The following B4GALNT3 variants were observed in gnomAD, a reference collection of about 807,000 sequenced individuals.
B4GALNT3 encodes the protein beta-1,4-N-acetylgalactosaminyltransferase 3.
Under a neutral mutation model 120.2 loss-of-function variants are expected in B4GALNT3, and 86 were observed. That is an observed-to-expected ratio of 0.72 (90% CI 0.60 to 0.86). The LOEUF is 0.86. Ranked by LOEUF, B4GALNT3 falls within the 40% of genes least tolerant of loss-of-function variation. The probability of loss-of-function intolerance (pLI) is 0.00; values close to 1 mark genes in which losing one functional copy is unlikely to be tolerated. For missense variants in B4GALNT3, 1,167 were observed against 1,298.9 expected (o/e 0.90, Z 1.56); for synonymous variants, 518 against 510.4 (o/e 1.01, Z -0.20).
At chr12:472,595 G>T (rs1172545131) in intron 1 of B4GALNT3, among the ~76,000 whole-genome samples, 1 of 152,204 alleles carries the variant, frequency 6.6e-6, no homozygotes, top group Admixed American at 6.5e-5. Context: ...CCGCCACCAC[G>T]CCTGGCTAAT....
intron 7 of B4GALNT3, among the ~76,000 whole-genome samples, chr12:546,998 T>TC (rs913861886): frequency 6.6e-6 from 1 of 152,094 alleles, no homozygotes; most frequent in African/African-American, 2.4e-5. Context: ...GTCCTTGCCC[T>TC]CCCCCGTTTC....
At chr12:559,444 C>T (rs1947198995) in intron 19 of B4GALNT3, 23 bp downstream of exon 19, 1 of 1,611,556 alleles carries the variant, frequency 6.2e-7, no homozygotes, top group Non-Finnish European at 8.5e-7. Flanking sequence ...AGGAGGGCAT[C>T]CACGAGGCCT....
intron 1 of B4GALNT3, among the ~76,000 whole-genome samples, chr12:523,069 C>T (rs1053920655): frequency 6.6e-6 from 1 of 152,050 alleles, no homozygotes; most frequent in African/African-American, 2.4e-5. Context: ...GAAAGCACTT[C>T]CTTCGAGGCA....
intron 1 of B4GALNT3, among the ~76,000 whole-genome samples, chr12:511,272 T>G (rs57799088): frequency 0.1 from 14,274 of 136,130 alleles, 1,699 homozygotes; most frequent in African/African-American, 0.23. Context: ...GCCTTCCACC[T>G]TCGACCTTCT....
At chr12:467,555 TTAAA>T (rs1346863804) in intron 1 of B4GALNT3, among the ~76,000 whole-genome samples, 8 of 152,278 alleles carry the variant, frequency 5.3e-5, no homozygotes, top group African/African-American at 1.4e-4. Context: ...AGACTGTGTC[TTAAA>T]TAAATAAATA....
In B4GALNT3 at chr12:553,398, A is replaced by C. The variant is rs780950885; in HGVS notation, c.1475A>C (p.Lys492Thr). 15 of 1,613,738 alleles carry C rather than the reference A, an allele frequency of 9.3e-6. No homozygotes were observed. Among genetic ancestry groups the C allele is most frequent in the Non-Finnish European group, 1.3e-5 (15 of 1,180,052 alleles). ...PREGLLAPFS[K>T]RNSTASFPGR... Reference sequence around the variant, plus strand: ...GAGGGCCTGCTGGCCCCCTTCTCCAAGCGGAACTCCACAGCGTCCTTCCCA... The same window carrying C: ...GAGGGCCTGCTGGCCCCCTTCTCCACGCGGAACTCCACAGCGTCCTTCCCA... The change falls in exon 14 of 20, where the codon AAG becomes ACG. Residue 492 changes from lysine (K) to threonine (T), a missense_variant. Transcript: ENST00000266383.
In B4GALNT3 at chr12:539,947, G is replaced by A. The variant is rs146810537; in HGVS notation, c.351+3652G>A. 2.2e-4 allele frequency among the ~76,000 whole-genome samples: 33 copies of A among 152,254 alleles called. No individual in the cohort carries two copies. The East Asian group carries it at 3.9e-3, about 18-fold the overall frequency. On this transcript the variant is annotated intron_variant, in intron 3 of 19. Transcript: ENST00000266383. ...TAAAATAAAATAGATCGAGTACCTC[G>A]AAACTCTGAACAGGACATAGGAGTT...
chr12:557,782 G>A (rs768711774), intron 16 of B4GALNT3, 21 bp downstream of exon 16: 2 of 1,590,884 alleles, frequency 1.3e-6, no homozygotes, highest in Non-Finnish European at 1.7e-6. Flanking sequence ...CCACCAGCCA[G>A]GGGGTGGCAT....
Position 460,484 on chromosome 12 carries a change from C to T in B4GALNT3, c.108C>T (p.Leu36=), listed in dbSNP as rs770051823. Residue 36 remains leucine, a synonymous_variant, in exon 1 of 20, where the codon CTC becomes CTT. Coordinates refer to ENST00000266383, the MANE Select transcript of B4GALNT3 (RefSeq NM_173593.4). This position sits in a 1 kb window ranked among gnomAD's most constrained non-coding sequence, Gnocchi z 8.0. ...LLALAVVSVG[L]WTLYLELVAS... Reference sequence around the variant, plus strand: ...CGCTCGCCGTGGTGTCTGTGGGGCTCTGGACTCTGTATCTGGAACTGGTGG... The same window carrying T: ...CGCTCGCCGTGGTGTCTGTGGGGCTTTGGACTCTGTATCTGGAACTGGTGG... The T allele has an allele frequency of 2.5e-6, 4 of 1,586,172 alleles. No homozygotes were observed. Among genetic ancestry groups the T allele is most frequent in the Admixed American group, 1.7e-5 (1 of 57,594 alleles).
At chr12:511,576 T>TCTTCCAC (rs1360481608) in intron 1 of B4GALNT3, among the ~76,000 whole-genome samples, 1 of 45,892 alleles carries the variant, frequency 2.2e-5, no homozygotes, top group African/African-American at 9.5e-5. Context: ...CCTTCGACCT[T>TCTTCCAC]CTTCCACCTT....
At chr12:549,709 C>G in intron 9 of B4GALNT3, 60 bp from the exon 10 acceptor site, 2 of 1,602,632 alleles carry the variant, frequency 1.2e-6, no homozygotes, top group Non-Finnish European at 1.7e-6. Flanking sequence ...CCTTCAAGGG[C>G]AGTGGGCTGC....
chr12:535,560 G>A (rs12582126), intron 2 of B4GALNT3, among the ~76,000 whole-genome samples: 31,257 of 152,106 alleles, frequency 0.21, 3,858 homozygotes, highest in East Asian at 0.5. Flanking sequence ...GAACCACTCC[G>A]GGCCTGCGAC....
intron 14 of B4GALNT3, chr12:555,160 A>G (rs1947137173): frequency 3.1e-6 from 1 of 317,966 alleles, no homozygotes; most frequent in Non-Finnish European, 6.3e-6. Context: ...CCTGGGCGAC[A>G]GAGTGAGACT....
In B4GALNT3 at chr12:474,458, G is replaced by A. The variant is rs75117977; in HGVS notation, c.169+13913G>A. 7.0e-3 allele frequency among the ~76,000 whole-genome samples: 1,065 copies of A among 152,258 alleles called. 5 individuals carry two copies. Among genetic ancestry groups the A allele is most frequent in the Non-Finnish European group, 0.012 (819 of 68,030 alleles). On this transcript the variant is annotated intron_variant, in intron 1 of 19. Transcript: ENST00000266383. Reference sequence around the variant, plus strand: ...TGAGATTGTAAATTTCTAGATACTGGACCTGGGCATTTCCCCCTCTTTGTG... The same window carrying A: ...TGAGATTGTAAATTTCTAGATACTGAACCTGGGCATTTCCCCCTCTTTGTG...
At chr12:561,078 A>G (rs1342557422) in intron 19 of B4GALNT3, among the ~76,000 whole-genome samples, 2 of 152,238 alleles carry the variant, frequency 1.3e-5, no homozygotes, top group East Asian at 1.9e-4. Context: ...ATAGAATTCT[A>G]TATCACACAT....
rs1947200308 is a variant in B4GALNT3 at position 559,497 on chromosome 12, G to A, written c.2888+76G>A. On this transcript the variant is annotated intron_variant, in intron 19 of 19. Coordinates refer to ENST00000266383, the MANE Select transcript of B4GALNT3 (RefSeq NM_173593.4). ...CCAGGCAGGGAGCCAGGCTACAGCA[G>A]CCTAGCTGTCCCCCTCGGCCGCAGA... is the stretch of plus-strand genomic sequence containing the variant. 1.2e-5 allele frequency: 19 copies of A among 1,585,036 alleles called. No homozygotes were observed. The South Asian group carries it at 2.1e-4, about 18-fold the overall frequency.
chr12:483,670 C>A (rs1209566695), intron 1 of B4GALNT3, among the ~76,000 whole-genome samples: 1 of 152,148 alleles, frequency 6.6e-6, no homozygotes, highest in African/African-American at 2.4e-5. Context: ...TGCACTCCAG[C>A]CTGGGCAACA....
At chr12:505,962 G>C (rs554243053) in intron 1 of B4GALNT3, among the ~76,000 whole-genome samples, 9 of 152,290 alleles carry the variant, frequency 5.9e-5, no homozygotes, top group Admixed American at 1.3e-4. Context: ...CATTTGCATA[G>C]ATCTGAGCCA....
At position 557,858 on chromosome 12, in the gene B4GALNT3, C is replaced by T. The variant is rs113953156; in HGVS notation, c.2534+97C>T. ...GGGTAGAGCCAGGAGTCCTGCCCAG[C>T]CTTCCTGATTCCTAGTCTCCAACTT... On this transcript the variant is annotated intron_variant, in intron 16 of 19. Coordinates refer to ENST00000266383, the MANE Select transcript of B4GALNT3 (RefSeq NM_173593.4). The T allele has an allele frequency of 2.7e-6, 4 of 1,489,544 alleles. No homozygotes were observed. In the African/African-American group the frequency reaches 4.2e-5, roughly 16 times the overall value. 92.3% of individuals were successfully genotyped at this position (1,489,544 alleles called of 1,614,324 possible). A position where few individuals can be genotyped will look rare whatever the true frequency, so the allele number is the denominator to read the frequency against.
Sources: allele counts gnomAD v4.1 joint callset (sites outside exome capture counted in the v4.1 genomes callset), GRCh38; gene constraint gnomAD v4.1.1; non-coding constraint Gnocchi (gnomAD v3.1); transcripts MANE v1.5; gene names NCBI Gene and HGNC (gene_info 2026-07-23, HGNC 2026-07-21).